Variants in ARHGEF1 observed in about 807,000 individuals in gnomAD.
ARHGEF1 encodes Rho guanine nucleotide exchange factor 1.
ARHGEF1 carries 40 observed loss-of-function variants against 119.7 expected under a neutral mutation model. The observed-to-expected ratio is 0.33, with a 90% CI of 0.26 to 0.44. The LOEUF is 0.44. ARHGEF1 is among the 20% of genes least tolerant of loss of function. The pLI is 1.00. For synonymous variants in ARHGEF1, 494 were observed against 521.0 expected (o/e 0.95, Z 0.71); for missense variants, 976 against 1,268.3 (o/e 0.77, Z 3.50).
chr19:41,897,995 C>T (rs1433952494), intron 13 of ARHGEF1: 15 of 1,326,888 alleles, frequency 1.1e-5, no homozygotes, highest in African/African-American at 1.5e-5. Flanking sequence ...GAGTGACCGC[C>T]GCCGGCCTTC....
rs1320720565 is a variant in ARHGEF1 at position 41,892,957 on chromosome 19, A to C, written c.614+108A>C. 5 of 1,405,402 alleles carry C rather than the reference A, an allele frequency of 3.6e-6. No homozygotes were observed. The highest frequency in any genetic ancestry group is 4.7e-6 in the Non-Finnish European group (5 of 1,075,250). The allele number at this position is 1,405,402 out of a possible 1,614,324, so 87.1% of individuals were successfully genotyped here. On this transcript the variant is annotated intron_variant, in intron 7 of 28. Transcript: ENST00000354532. This position sits in a 1 kb window ranked among gnomAD's most constrained non-coding sequence, Gnocchi z 6.3. ...TTGCAGGTTCCCTCTTCAGGGTCAG[A>C]GTTCATTTCTTGGCACTGGGGGTCT...
Position 41,898,445 on chromosome 19 carries a change from C to G in ARHGEF1, c.1125C>G (p.Pro375=), listed in dbSNP as rs782441445. Residue 375 remains proline, a synonymous_variant, in exon 14 of 29, where the codon CCC becomes CCG. Transcript: ENST00000354532. ...CTAACAAGGCCTCTGTCCACAGCCCCGAGCCTGGAGATGAGGGGGAGCCGG... is the reference window on the plus strand; with the variant it reads ...CTAACAAGGCCTCTGTCCACAGCCCGGAGCCTGGAGATGAGGGGGAGCCGG... ...STDEGAETES[P]EPGDEGEPGR... 1.3e-6 allele frequency: 2 copies of G among 1,547,294 alleles called. No individual in the cohort carries two copies. The highest frequency in any genetic ancestry group is 2.0e-5 in the Admixed American group (1 of 50,338).
downstream of ARHGEF1, chr19:41,909,176 G>T (rs1555851064): frequency 8.1e-7 from 1 of 1,231,866 alleles, no homozygotes; most frequent in African/African-American, 1.6e-5. The surrounding 1 kb of genome is among the most constrained non-coding windows in gnomAD (Gnocchi z 5.2). Context: ...GGTTTGCAGG[G>T]TCTAGAGAGG....
Position 41,894,876 on chromosome 19 carries a change from T to C in ARHGEF1, c.877+215T>C, listed in dbSNP as rs117568517. Among the ~76,000 whole-genome samples, 38 of 79,642 alleles carry C rather than the reference T, an allele frequency of 4.8e-4. No homozygotes were observed. The African/African-American group carries it at 8.0e-3, about 17-fold the overall frequency. The allele number at this position is 79,642 out of a possible 152,430, so 52.2% of individuals were successfully genotyped here. On this transcript the variant is annotated intron_variant, in intron 11 of 28. Transcript: ENST00000354532. ...AGGGCTGGGCCTGGACCCCTGGGTC[T>C]GAGGGAGGAGGGACTGGGCCTGGAC...
upstream of ARHGEF1, among the ~76,000 whole-genome samples, chr19:41,921,765 G>A (rs1247308451): frequency 6.6e-6 from 1 of 151,998 alleles, no homozygotes; most frequent in East Asian, 1.9e-4. This position sits in a 1 kb window ranked among gnomAD's most constrained non-coding sequence, Gnocchi z 4.4. Flanking sequence ...CGGGTGGCGG[G>A]CAGACCTAAG....
chr19:41,915,028 C>CCGCGTCT (rs1460106621), intron 18 of ARHGEF1, among the ~76,000 whole-genome samples: 3 of 106,398 alleles, frequency 2.8e-5, no homozygotes, highest in Non-Finnish European at 5.7e-5. Context: ...TGTCCCTGTC[C>CCGCGTCT]CGCGTCTCTC....
rs151052570 is a variant in ARHGEF1, at chr19:41,886,134, T to C, written c.-19-1930T>C. Among the ~76,000 whole-genome samples the C allele has an allele frequency of 1.5e-3, 222 of 152,312 alleles. 2 individuals carry two copies. The highest frequency in any genetic ancestry group is 5.1e-3 in the African/African-American group (212 of 41,578). On this transcript the variant is annotated intron_variant, in intron 1 of 28. Transcript: ENST00000354532. Reference sequence around the variant, plus strand: ...GCCTCTTATGAGCTGTGCCTCAGTTTCCTTCTTTGTTAAATGGAGGTGAGA... The same window carrying C: ...GCCTCTTATGAGCTGTGCCTCAGTTCCCTTCTTTGTTAAATGGAGGTGAGA...
intron 10 of ARHGEF1, 24 bp downstream of exon 10, chr19:41,894,571 C>T (rs782709858): frequency 6.2e-7 from 1 of 1,613,978 alleles, no homozygotes; most frequent in Non-Finnish European, 8.5e-7. Context: ...GGCCTCTGCC[C>T]TCCCCTGTCT....
chr19:41,896,675 C>T lies in ARHGEF1; in HGVS notation c.1121+193C>T, dbSNP rs782222753. On this transcript the variant is annotated intron_variant, in intron 13 of 28. Transcript: ENST00000354532. ...TCATCTCCCTCCTGCTTCCTCATTGCCCCCCTTTCCTTTTATCCTTCCTTT... is the reference window on the plus strand; with the variant it reads ...TCATCTCCCTCCTGCTTCCTCATTGTCCCCCTTTCCTTTTATCCTTCCTTT... The T allele has an allele frequency of 5.7e-6, 4 of 700,270 alleles. 1 individual carries two copies. The highest frequency in any genetic ancestry group is 3.0e-5 in the South Asian group (2 of 66,732). The allele number at this position is 700,270 out of a possible 1,614,324, so 43.4% of individuals were successfully genotyped here. A position where few individuals can be genotyped will look rare whatever the true frequency, so the allele number is the denominator to read the frequency against.
chr19:41,896,347 CCA>C, intron 12 of ARHGEF1, 28 bp from the exon 13 acceptor site: 2 of 1,257,940 alleles, frequency 1.6e-6, no homozygotes, highest in Non-Finnish European at 2.0e-6. Flanking sequence ...CAGAGGCCTT[CCA>C]GCCAGCCCTG....
In ARHGEF1 at chr19:41,888,621, CTG is replaced by C. The variant is rs1568808946; in HGVS notation, c.112-129_112-128del. Reference sequence around the variant, plus strand: ...TGCTGTCACCATCATTTTTTGGACACTGTCACCACTCCCCACTTCCCAGGAGC... The same window carrying C: ...TGCTGTCACCATCATTTTTTGGACACTCACCACTCCCCACTTCCCAGGAGC... On this transcript the variant is annotated intron_variant, in intron 3 of 28. Coordinates refer to ENST00000354532, the MANE Select transcript of ARHGEF1 (RefSeq NM_004706.4). This position sits in a 1 kb window ranked among gnomAD's most constrained non-coding sequence, Gnocchi z 5.1. 8 of 780,222 alleles carry C rather than the reference CTG, an allele frequency of 1.0e-5. No homozygotes were observed. Among genetic ancestry groups the C allele is most frequent in the Non-Finnish European group, 1.7e-5 (8 of 473,824 alleles). The allele number at this position is 780,222 out of a possible 1,614,324, so 48.3% of individuals were successfully genotyped here. A position where few individuals can be genotyped will look rare whatever the true frequency, so the allele number is the denominator to read the frequency against.
At chr19:41,885,525 G>A (rs1008809576) in intron 1 of ARHGEF1, among the ~76,000 whole-genome samples, 13 of 151,526 alleles carry the variant, frequency 8.6e-5, no homozygotes, top group African/African-American at 2.7e-4. Context: ...GCAGTGGCGC[G>A]ATCTCAGCTC....
intron 11 of ARHGEF1, 144 bp from the exon 12 acceptor site, chr19:41,895,205 T>C (rs1599644087): frequency 1.8e-6 from 2 of 1,085,630 alleles, no homozygotes; most frequent in South Asian, 3.1e-5. Flanking sequence ...GGAGGAGGGG[T>C]TGAGGGCTCC....
chr19:41,902,768 A>G lies in ARHGEF1; in HGVS notation c.1624-16A>G. ...CCAAAGCCTGGGCCATCGCAACACCAGCATGTTTCCCGCAGGAAGCTGAGA... is the reference window on the plus strand; with the variant it reads ...CCAAAGCCTGGGCCATCGCAACACCGGCATGTTTCCCGCAGGAAGCTGAGA... On this transcript the variant is annotated splice_polypyrimidine_tract_variant and intron_variant, in intron 17 of 28. Transcript: ENST00000354532. The surrounding 1 kb of genome is among the most constrained non-coding windows in gnomAD (Gnocchi z 6.5). 1 of 1,613,334 alleles carries G rather than the reference A, an allele frequency of 6.2e-7. No homozygotes were observed. The highest frequency in any genetic ancestry group is 8.5e-7 in the Non-Finnish European group (1 of 1,179,952).
rs551647034 is a variant in ARHGEF1 at position 41,926,761 on chromosome 19, G to A, written c.141-2070G>A. 3.2e-4 allele frequency among the ~76,000 whole-genome samples: 49 copies of A among 152,284 alleles called. No individual in the cohort carries two copies. The South Asian group carries it at 7.3e-3, about 23-fold the overall frequency. On this transcript the variant is annotated intron_variant, in intron 1 of 2. Coordinates refer to the ARHGEF1 transcript ENST00000594417. The stretch of plus-strand genomic sequence containing the variant: ...CCGTTTAGCCGTGATAGATCCGCGC[G>A]CCGCTTGTCTCTTAATCTCCAGAGC...
chr19:41,925,709 A>G (rs2074867444), intron 1 of ARHGEF1, among the ~76,000 whole-genome samples: 1 of 152,092 alleles, frequency 6.6e-6, no homozygotes, highest in Admixed American at 6.6e-5. Context: ...AGTAGGAAAG[A>G]CAGGTACGGG....
At chr19:41,926,708 G>A (rs1311128576) in intron 1 of ARHGEF1, among the ~76,000 whole-genome samples, 4 of 152,036 alleles carry the variant, frequency 2.6e-5, no homozygotes, top group Non-Finnish European at 5.9e-5. Flanking sequence ...CGCGGCGGCC[G>A]GCCGGGAGGG....
intron 1 of ARHGEF1, among the ~76,000 whole-genome samples, 198 bp from the exon 2 acceptor site, chr19:41,887,866 G>T (rs1568808224): frequency 6.6e-6 from 1 of 152,324 alleles, no homozygotes; most frequent in East Asian, 1.9e-4. Context: ...CCCCCGCAAG[G>T]CTCCCGTCCC....
chr19:41,905,270 G>C lies in ARHGEF1; in HGVS notation c.2336+9G>C. On this transcript the variant is annotated intron_variant, in intron 24 of 28. Coordinates refer to ENST00000354532, the MANE Select transcript of ARHGEF1 (RefSeq NM_004706.4). This position sits in a 1 kb window ranked among gnomAD's most constrained non-coding sequence, Gnocchi z 6.4. ...CGGCCCAGCCCGAGCAGGTGAGGGG[G>C]GCCATGGAGAGAGCTGGAGGTTCAG... The C allele has an allele frequency of 6.2e-7, 1 of 1,609,150 alleles. No individual in the cohort carries two copies. Among genetic ancestry groups the C allele is most frequent in the Non-Finnish European group, 8.5e-7 (1 of 1,177,858 alleles).
Sources: gnomAD v4.1 joint callset for allele counts (sites outside exome capture counted in the v4.1 genomes callset) on GRCh38, gnomAD v4.1.1 for gene constraint, Gnocchi (gnomAD v3.1) non-coding constraint, MANE v1.5 for transcripts, NCBI Gene and HGNC (gene_info 2026-07-23, HGNC 2026-07-21) for gene names.